The following GRIA1 variants were observed in gnomAD, a reference collection of about 807,000 sequenced individuals.
The protein encoded by GRIA1 is glutamate ionotropic receptor AMPA type subunit 1.
In GRIA1, 31 loss-of-function variants were observed where a neutral mutation model predicts 99.2. That is an observed-to-expected ratio of 0.31 (90% CI 0.23 to 0.42). The LOEUF (loss-of-function observed/expected upper bound fraction) is 0.42, where lower values mean the gene tolerates loss of function less well. GRIA1 is among the 10% of genes least tolerant of loss of function. GRIA1 has a pLI of 1.00. For synonymous variants in GRIA1, 438 were observed against 432.4 expected, an observed-to-expected ratio of 1.01 and a Z score of -0.16; for missense variants, 782 against 1,157.5, an observed-to-expected ratio of 0.68 and a Z score of 4.71.
chr5:153,706,552 A>C (rs1323173219), intron 11 of GRIA1, among the ~76,000 whole-genome samples: 1 of 152,198 alleles, frequency 6.6e-6, no homozygotes, highest in Non-Finnish European at 1.5e-5. Context: ...TAGGCAAGTG[A>C]GTTGAGATTC....
intron 2 of GRIA1, among the ~76,000 whole-genome samples, chr5:153,590,578 A>G (rs941484481): frequency 6.7e-6 from 1 of 149,830 alleles, no homozygotes; most frequent in Non-Finnish European, 1.5e-5. Context: ...CTCTTCTTCA[A>G]TGCTTTGGAG....
chr5:153,606,655 G>A (rs965863316), intron 2 of GRIA1, among the ~76,000 whole-genome samples: 2 of 151,894 alleles, frequency 1.3e-5, no homozygotes, highest in Non-Finnish European at 2.9e-5. Flanking sequence ...ATTATAAAAA[G>A]TGTTCTTAAA....
At chr5:153,742,936 A>G (rs1305986033) in intron 11 of GRIA1, among the ~76,000 whole-genome samples, 1 of 152,162 alleles carries the variant, frequency 6.6e-6, no homozygotes. Flanking sequence ...AGTTCTAGGG[A>G]TTAGAGCATA....
intron 13 of GRIA1, among the ~76,000 whole-genome samples, chr5:153,779,920 A>C (rs1362774723): frequency 6.6e-6 from 1 of 152,134 alleles, no homozygotes; most frequent in Non-Finnish European, 1.5e-5. Context: ...AACACATTAA[A>C]GAGAGAGAGG....
chr5:153,501,108 C>A (rs78949435), intron 2 of GRIA1, among the ~76,000 whole-genome samples: 1,604 of 152,296 alleles, frequency 0.011, 28 homozygotes, highest in African/African-American at 0.036. Flanking sequence ...GACTTCCCTT[C>A]CACCAACTTG....
chr5:153,781,438 C>T (rs1159297424), intron 13 of GRIA1, among the ~76,000 whole-genome samples: 1 of 152,088 alleles, frequency 6.6e-6, no homozygotes, highest in African/African-American at 2.4e-5. Context: ...CCTGTATCTT[C>T]ACTTGTATTG....
intron 2 of GRIA1, among the ~76,000 whole-genome samples, chr5:153,504,392 TTGTC>T (rs961347132): frequency 6.6e-6 from 1 of 151,852 alleles, no homozygotes; most frequent in Non-Finnish European, 1.5e-5. Flanking sequence ...AATGTATTTA[TTGTC>T]TATTTTATGT....
intron 5 of GRIA1, among the ~76,000 whole-genome samples, chr5:153,668,366 A>G (rs1273174955): frequency 6.6e-6 from 1 of 152,202 alleles, no homozygotes; most frequent in Non-Finnish European, 1.5e-5. Flanking sequence ...ACCTGATTTT[A>G]TATGGCTCAT....
At chr5:153,533,138 T>C (rs1482462720) in intron 2 of GRIA1, among the ~76,000 whole-genome samples, 1 of 152,178 alleles carries the variant, frequency 6.6e-6, no homozygotes, top group Non-Finnish European at 1.5e-5. Flanking sequence ...GAGCTGACCT[T>C]AAAGATACCT....
rs1405346306 is a variant in GRIA1, at chr5:153,567,956, G to A, written c.220+73891G>A. Among the ~76,000 whole-genome samples the A allele has an allele frequency of 2.0e-5, 3 of 152,250 alleles. No individual in the cohort carries two copies. The South Asian group carries it at 6.2e-4, about 32-fold the overall frequency. The stretch of plus-strand genomic sequence containing the variant: ...GGAAGCCAGTAAGTCAGGGATAAAT[G>A]GGTGCTCTCAAATATAGGAAATAAG... On this transcript the variant is annotated intron_variant, in intron 2 of 15. Coordinates refer to ENST00000285900, the MANE Select transcript of GRIA1 (RefSeq NM_000827.4).
At chr5:153,725,972 T>C (rs1276730608) in intron 11 of GRIA1, among the ~76,000 whole-genome samples, 3 of 143,310 alleles carry the variant, frequency 2.1e-5, no homozygotes, top group African/African-American at 7.9e-5. Flanking sequence ...TATTCCAAAA[T>C]TGACCACATA....
intron 2 of GRIA1, among the ~76,000 whole-genome samples, chr5:153,536,131 C>T (rs1353089): frequency 0.05 from 7,642 of 152,154 alleles, 264 homozygotes; most frequent in Non-Finnish European, 0.076. Context: ...CCTTCCACAC[C>T]CCTCCCCTAA....
At chr5:153,684,536 A>C (rs1038575864) in intron 7 of GRIA1, among the ~76,000 whole-genome samples, 3 of 152,192 alleles carry the variant, frequency 2.0e-5, no homozygotes, top group Admixed American at 6.5e-5. Context: ...TGGATAATTA[A>C]TGACACTTTC....
At chr5:153,724,061 G>C (rs10071612) in intron 11 of GRIA1, among the ~76,000 whole-genome samples, 1 of 152,170 alleles carries the variant, frequency 6.6e-6, no homozygotes, top group Non-Finnish European at 1.5e-5. Flanking sequence ...CCAGAGGAAC[G>C]ATCAGACAGC....
chr5:153,600,100 A>G (rs1764776585), intron 2 of GRIA1, among the ~76,000 whole-genome samples: 1 of 152,168 alleles, frequency 6.6e-6, no homozygotes. Context: ...TAATAGAAGT[A>G]TGGAGTCTGG....
chr5:153,499,613 CAA>C (rs70976100), intron 2 of GRIA1, among the ~76,000 whole-genome samples: 522 of 42,032 alleles, frequency 0.012, no homozygotes, highest in African/African-American at 0.042. Context: ...GAATTTGTCT[CAA>C]AAAAAAAAAA....
rs937841347 is a variant in GRIA1, at chr5:153,508,741, T to C, written c.220+14676T>C. Among the ~76,000 whole-genome samples the C allele has an allele frequency of 4.6e-5, 7 of 152,204 alleles. No individual in the cohort carries two copies. In the East Asian group the frequency reaches 1.3e-3, roughly 29 times the overall value. On this transcript the variant is annotated intron_variant, in intron 2 of 15. Coordinates refer to ENST00000285900, the MANE Select transcript of GRIA1 (RefSeq NM_000827.4). ...TATGTGTCAGTCAGTTTTTGCTGCATAACAAATAACATCAAAATCTCAGTG... is the reference window on the plus strand; with the variant it reads ...TATGTGTCAGTCAGTTTTTGCTGCACAACAAATAACATCAAAATCTCAGTG...
intron 11 of GRIA1, 55 bp from the exon 12 acceptor site, chr5:153,764,379 G>A: frequency 1.4e-6 from 2 of 1,409,656 alleles, no homozygotes; most frequent in South Asian, 2.3e-5. Flanking sequence ...TCCCTCCCCA[G>A]AGCTTTCCAC....
At chr5:153,679,735 A>G (rs1176365490) in intron 7 of GRIA1, among the ~76,000 whole-genome samples, 1 of 152,236 alleles carries the variant, frequency 6.6e-6, no homozygotes, top group African/African-American at 2.4e-5. Context: ...TTGGAGGCTC[A>G]GGTCTCTACT....
Sources: gnomAD v4.1 joint callset for allele counts (sites outside exome capture counted in the v4.1 genomes callset) on GRCh38, gnomAD v4.1.1 for gene constraint, MANE v1.5 for transcripts, NCBI Gene and HGNC (gene_info 2026-07-23, HGNC 2026-07-21) for gene names.